The following ENPP1 variants were observed in gnomAD, a reference collection of about 807,000 sequenced individuals.
The protein encoded by ENPP1 is ectonucleotide pyrophosphatase/phosphodiesterase family member 1.
ENPP1 carries 73 observed loss-of-function variants against 122.8 expected under a neutral mutation model. The ratio of observed to expected loss-of-function variants is 0.59; its 90% CI spans 0.49 to 0.72. The LOEUF is 0.72. Ranked by LOEUF, ENPP1 falls within the 30% of genes least tolerant of loss-of-function variation. The pLI is 0.00. For synonymous variants in ENPP1, 367 were observed against 391.6 expected (o/e 0.94, Z 0.74); for missense variants, 978 against 1,128.1 (o/e 0.87, Z 1.91).
At chr6:131,824,198 G>A (rs1481110352) in intron 1 of ENPP1, among the ~76,000 whole-genome samples, 2 of 152,058 alleles carry the variant, frequency 1.3e-5, no homozygotes, top group Admixed American at 1.3e-4. Flanking sequence ...CAGCCCAGAA[G>A]CTGTGTACAT....
intron 9 of ENPP1, 69 bp from the exon 10 acceptor site, chr6:131,864,437 G>GA (rs1033331814): frequency 3.8e-6 from 4 of 1,038,972 alleles, no homozygotes; most frequent in Non-Finnish European, 6.0e-6. Flanking sequence ...CATTTTCAAT[G>GA]AAAAAAACTA....
At chr6:131,826,954 A>T (rs1781553596) in intron 1 of ENPP1, 1 of 400,428 alleles carries the variant, frequency 2.5e-6, no homozygotes, top group African/African-American at 2.0e-5. Context: ...CAGGCAGAGG[A>T]TTTTAAAATT....
intron 13 of ENPP1, among the ~76,000 whole-genome samples, chr6:131,870,074 G>A (rs1178935641): frequency 6.6e-6 from 1 of 152,044 alleles, no homozygotes; most frequent in African/African-American, 2.4e-5. Context: ...ATGTTGAAGT[G>A]TGTGTTTTAC....
chr6:131,839,899 T>C (rs181986815), intron 1 of ENPP1, among the ~76,000 whole-genome samples: 30 of 152,330 alleles, frequency 2.0e-4, no homozygotes, highest in African/African-American at 7.0e-4. Flanking sequence ...TCTATATTTC[T>C]TTAGCTATTT....
rs565327476 is a variant in ENPP1 at position 131,887,537 on chromosome 6, C to T, written c.2607+813C>T. Among the ~76,000 whole-genome samples the T allele has an allele frequency of 3.5e-3, 513 of 148,486 alleles. 1 individual carries two copies. The highest frequency in any genetic ancestry group is 5.9e-3 in the Non-Finnish European group (400 of 67,234). On this transcript the variant is annotated intron_variant, in intron 24 of 24. Transcript: ENST00000647893. Reference sequence around the variant, plus strand: ...CCTCCCGAGTAGCTGGGACTACAGGCGCCCGCCACCACACCCAGCTAATTT... The same window carrying T: ...CCTCCCGAGTAGCTGGGACTACAGGTGCCCGCCACCACACCCAGCTAATTT...
At chr6:131,851,049 A>G (rs1371807937) in intron 3 of ENPP1, 93 bp from the exon 4 acceptor site, 1 of 1,414,396 alleles carries the variant, frequency 7.1e-7, no homozygotes, top group Non-Finnish European at 1.0e-6. Context: ...ATTGTTGCTC[A>G]TGGATCATAC....
At chr6:131,835,879 A>G (rs1014591621) in intron 1 of ENPP1, among the ~76,000 whole-genome samples, 1 of 152,142 alleles carries the variant, frequency 6.6e-6, no homozygotes, top group African/African-American at 2.4e-5. Flanking sequence ...CATGTACATC[A>G]TATCATACTT....
Position 131,808,162 on chromosome 6 carries a change from C to T in ENPP1, c.127C>T (p.Pro43Ser). ...RSHAAEAPGD[P>S]QAAASLLAPM... The stretch of plus-strand genomic sequence containing the variant: ...CCACGCTGCCGAGGCGCCCGGGGAC[C>T]CGCAGGCGGCCGCGTCCTTGCTGGC... The change falls in exon 1 of 25, where the codon CCG becomes TCG. Residue 43 changes from proline to serine, a missense_variant. Around this residue, in one of 3 missense-constraint regions of ENPP1, gnomAD observed 330 missense variants for 328.5 expected, o/e 1.00. Coordinates refer to ENST00000647893, the MANE Select transcript of ENPP1 (RefSeq NM_006208.3). The T allele has an allele frequency of 1.4e-6, 2 of 1,453,914 alleles. No individual in the cohort carries two copies. Among genetic ancestry groups the T allele is most frequent in the East Asian group, 6.0e-5 (2 of 33,308 alleles). The allele number at this position is 1,453,914 out of a possible 1,614,324, so 90.1% of individuals were successfully genotyped here. A position where few individuals can be genotyped will look rare whatever the true frequency, so the allele number is the denominator to read the frequency against.
intron 1 of ENPP1, chr6:131,820,527 T>C (rs765415380): frequency 6.6e-6 from 1 of 152,490 alleles, no homozygotes; most frequent in Non-Finnish European, 1.5e-5. Context: ...CAAGGGTATA[T>C]GAATAGGTGC....
chr6:131,810,443 A>G (rs1210043931), intron 1 of ENPP1, among the ~76,000 whole-genome samples: 1 of 80,960 alleles, frequency 1.2e-5, no homozygotes, highest in Non-Finnish European at 2.4e-5. Flanking sequence ...TTTTCCCCCA[A>G]CCCCGCCCCC....
In ENPP1 at chr6:131,869,500, C is replaced by A. The variant is rs754486781; in HGVS notation, c.1405+11C>A. On this transcript the variant is annotated intron_variant, in intron 13 of 24. Coordinates refer to ENST00000647893, the MANE Select transcript of ENPP1 (RefSeq NM_006208.3). Reference sequence around the variant, plus strand: ...ATAAATACTATTCATGTAAGTATATCTCTGTGATAACTTTGAATATGGTCA... The same window carrying A: ...ATAAATACTATTCATGTAAGTATATATCTGTGATAACTTTGAATATGGTCA... The A allele has an allele frequency of 6.2e-7, 1 of 1,611,958 alleles. No individual in the cohort carries two copies. Among genetic ancestry groups the A allele is most frequent in the Non-Finnish European group, 8.5e-7 (1 of 1,178,220 alleles).
In ENPP1 at chr6:131,847,830, C is replaced by T. The variant is rs1481021982; in HGVS notation, c.295C>T (p.Pro99Ser). ...ACTTGGTTGTATATTTGGGTTGAAA[C>T]CAAGCTGTGCCAAAGAAGGTAATTA... ...TILGCIFGLKPSCAKEVKSCK... is the reference protein window; with the variant it reads ...TILGCIFGLKSSCAKEVKSCK... Residue 99 changes from proline (P) to serine (S), a missense_variant, in exon 2 of 25, where the codon CCA (proline) becomes TCA (serine). By Grantham distance (74) the Pro-to-Ser change is moderately conservative. This residue lies in a region of ENPP1 where 330 missense variants were observed against 328.5 expected (regional missense o/e 1.00). Transcript: ENST00000647893. 1.2e-6 allele frequency: 2 copies of T among 1,608,554 alleles called. No individual in the cohort carries two copies. Among genetic ancestry groups the T allele is most frequent in the Admixed American group, 3.3e-5 (2 of 59,878 alleles).
At chr6:131,810,114 T>G (rs919452317) in intron 1 of ENPP1, among the ~76,000 whole-genome samples, 1 of 152,184 alleles carries the variant, frequency 6.6e-6, no homozygotes, top group Non-Finnish European at 1.5e-5. Context: ...ATCTCAGCAC[T>G]TTGGGAAGTT....
Position 131,877,175 on chromosome 6 carries a change from A to G in ENPP1, c.1893+14A>G, listed in dbSNP as rs1454561829. 6.2e-7 allele frequency: 1 copy of G among 1,612,208 alleles called. No homozygotes were observed. The highest frequency in any genetic ancestry group is 1.1e-5 in the South Asian group (1 of 90,782). On this transcript the variant is annotated intron_variant, in intron 18 of 24. Transcript: ENST00000647893. Reference sequence around the variant, plus strand: ...TGTAACCCTTCGGTAAGTATCGTCAAGAAGTTTGGTCCAGTATGTATGGTT... The same window carrying G: ...TGTAACCCTTCGGTAAGTATCGTCAGGAAGTTTGGTCCAGTATGTATGGTT...
chr6:131,852,113 CA>C (rs1218117706), intron 4 of ENPP1, 61 bp from the exon 5 acceptor site: 1 of 1,084,800 alleles, frequency 9.2e-7, no homozygotes, highest in Non-Finnish European at 1.4e-6. Context: ...ATGTGTCTCA[CA>C]AGCATCACAA....
chr6:131,828,720 G>A (rs1218907528), intron 1 of ENPP1, among the ~76,000 whole-genome samples: 2 of 152,216 alleles, frequency 1.3e-5, no homozygotes, highest in Non-Finnish European at 2.9e-5. Context: ...ACAAACCGGA[G>A]CCCTGTGTGA....
intron 1 of ENPP1, among the ~76,000 whole-genome samples, chr6:131,831,926 G>A (rs942381455): frequency 6.6e-6 from 1 of 151,998 alleles, no homozygotes; most frequent in Non-Finnish European, 1.5e-5. Flanking sequence ...CTTCTGAATT[G>A]GAAATTTGTT....
intron 1 of ENPP1, among the ~76,000 whole-genome samples, chr6:131,845,701 C>T (rs1332655734): frequency 6.6e-6 from 1 of 151,896 alleles, no homozygotes; most frequent in African/African-American, 2.4e-5. Flanking sequence ...TGAAGTGATC[C>T]CCCCACCTCA....
At chr6:131,823,813 T>C (rs1781510120) in intron 1 of ENPP1, among the ~76,000 whole-genome samples, 1 of 151,918 alleles carries the variant, frequency 6.6e-6, no homozygotes, top group African/African-American at 2.4e-5. Flanking sequence ...CTGCCAATAA[T>C]TGCTTTTGGG....
Sources: allele counts gnomAD v4.1 joint callset (sites outside exome capture counted in the v4.1 genomes callset), GRCh38; gene constraint gnomAD v4.1.1; regional missense constraint gnomAD v4.1.1; transcripts MANE v1.5; gene names NCBI Gene and HGNC (gene_info 2026-07-23, HGNC 2026-07-21).